Variants in EPHB2 observed in about 807,000 individuals in gnomAD.
The protein encoded by EPHB2 is ephrin type-B receptor 2.
EPHB2 carries 18 observed loss-of-function variants against 96.4 expected under a neutral mutation model. The ratio of observed to expected loss-of-function variants is 0.19; its 90% CI spans 0.13 to 0.28. The LOEUF (loss-of-function observed/expected upper bound fraction) is 0.28. Among genes scored for constraint, EPHB2 ranks in the 10% least tolerant of loss-of-function variants. The pLI, the probability that EPHB2 is intolerant of heterozygous loss-of-function variation, is 1.00. For missense variants in EPHB2, 989 were observed against 1,355.4 expected (o/e 0.73, Z 4.25); for synonymous variants, 506 against 534.1 (o/e 0.95, Z 0.72).
At chr1:22,778,346 G>T (rs1644481704) in intron 1 of EPHB2, among the ~76,000 whole-genome samples, 1 of 152,222 alleles carries the variant, frequency 6.6e-6, no homozygotes, top group Admixed American at 6.5e-5. Flanking sequence ...TGGTTACCAA[G>T]CAAGGAAGGG....
intron 2 of EPHB2, among the ~76,000 whole-genome samples, chr1:22,781,745 T>C (rs148345404): frequency 0.019 from 2,863 of 152,156 alleles, 60 homozygotes; most frequent in East Asian, 0.073. Flanking sequence ...GGCTGAGAAG[T>C]AGGTGCTCTC....
intron 5 of EPHB2, among the ~76,000 whole-genome samples, chr1:22,877,040 G>T (rs1638861852): frequency 6.6e-6 from 1 of 152,332 alleles, no homozygotes; most frequent in African/African-American, 2.4e-5. Flanking sequence ...AGGTGAGTCA[G>T]CGGGAACCAG....
At chr1:22,780,779 A>G (rs1644518013) in intron 1 of EPHB2, among the ~76,000 whole-genome samples, 1 of 152,196 alleles carries the variant, frequency 6.6e-6, no homozygotes, top group Non-Finnish European at 1.5e-5. Flanking sequence ...GAAGGGAAGG[A>G]CAGTACCTAG....
At chr1:22,888,926 G>A (rs1287195854) in intron 6 of EPHB2, among the ~76,000 whole-genome samples, 5 of 152,156 alleles carry the variant, frequency 3.3e-5, no homozygotes, top group Admixed American at 2.6e-4. Context: ...AAGCTGAGAC[G>A]GGTGGATCAT....
chr1:22,745,085 A>C (rs1011699584), intron 1 of EPHB2, among the ~76,000 whole-genome samples: 1 of 152,158 alleles, frequency 6.6e-6, no homozygotes, highest in Non-Finnish European at 1.5e-5. Flanking sequence ...AGCTGTATAT[A>C]CCTAAATGAG....
At position 22,896,415 on chromosome 1, in the gene EPHB2, C is replaced by A; in HGVS notation, c.1702C>A (p.Arg568=). The change falls in exon 9 of 16, where the codon CGG becomes AGG. Residue 568 remains arginine (R), a splice_region_variant and synonymous_variant. Transcript: ENST00000374630. ...AGCCCTTTGCTCTTGTTCCAGAAGACGGGGGTTTGAGCGTGCTGACTCGGA... is the reference window on the plus strand; with the variant it reads ...AGCCCTTTGCTCTTGTTCCAGAAGAAGGGGGTTTGAGCGTGCTGACTCGGA... The part of the protein sequence containing the change: ...VVVIAIVCNR[R]GFERADSEYT... 6.2e-7 allele frequency: 1 copy of A among 1,614,108 alleles called. No homozygotes were observed. Among genetic ancestry groups the A allele is most frequent in the South Asian group, 1.1e-5 (1 of 91,082 alleles).
At chr1:22,873,983 T>C (rs1190434999) in intron 5 of EPHB2, among the ~76,000 whole-genome samples, 3 of 152,144 alleles carry the variant, frequency 2.0e-5, no homozygotes, top group African/African-American at 7.2e-5. Context: ...GTCTGCCACA[T>C]CCCATTTTAC....
chr1:22,893,512 G>A (rs953902713), intron 7 of EPHB2, among the ~76,000 whole-genome samples: 3 of 152,190 alleles, frequency 2.0e-5, no homozygotes, highest in African/African-American at 4.8e-5. Flanking sequence ...AAGGGAATGG[G>A]AGATCGTAAC....
chr1:22,723,242 G>A (rs191121036), intron 1 of EPHB2, among the ~76,000 whole-genome samples: 99 of 152,360 alleles, frequency 6.5e-4, no homozygotes, highest in Non-Finnish European at 6.0e-4. Context: ...GGGCTTCTCC[G>A]CCTCTCACGG....
intron 5 of EPHB2, among the ~76,000 whole-genome samples, chr1:22,867,811 G>A (rs758517057): frequency 6.6e-6 from 1 of 152,190 alleles, no homozygotes; most frequent in Non-Finnish European, 1.5e-5. Flanking sequence ...GGCAGAGCTT[G>A]CAATGAGCTG....
intron 1 of EPHB2, among the ~76,000 whole-genome samples, chr1:22,776,502 G>T (rs1464495359): frequency 1.3e-5 from 2 of 152,214 alleles, no homozygotes; most frequent in Admixed American, 1.3e-4. Context: ...AGTGGGGATG[G>T]AGATAGAAAC....
intron 5 of EPHB2, among the ~76,000 whole-genome samples, chr1:22,869,367 A>G (rs1557724527): frequency 6.6e-6 from 1 of 152,082 alleles, no homozygotes; most frequent in South Asian, 2.1e-4. Context: ...TGTATGTCCT[A>G]GTTGGAAAAA....
chr1:22,914,130 A>C lies in EPHB2; in HGVS notation c.*560A>C. ...CCCTCTGGGAAAATCTATTCCTGCCACCACTGGGCAAACAGAAGAATTTTT... is the reference window on the plus strand; with the variant it reads ...CCCTCTGGGAAAATCTATTCCTGCCCCCACTGGGCAAACAGAAGAATTTTT... On this transcript the variant is annotated 3_prime_UTR_variant, in exon 16 of 16. Transcript: ENST00000374630. 1 of 450,784 alleles carries C rather than the reference A, an allele frequency of 2.2e-6. No individual in the cohort carries two copies. The highest frequency in any genetic ancestry group is 4.2e-5 in the South Asian group (1 of 23,782). The allele number at this position is 450,784 out of a possible 1,614,324, so 27.9% of individuals were successfully genotyped here.
chr1:22,862,952 T>C (rs1219614559), intron 3 of EPHB2, 85 bp from the exon 4 acceptor site: 11 of 1,566,908 alleles, frequency 7.0e-6, no homozygotes, highest in Non-Finnish European at 9.7e-6. Context: ...CGAGGCTGTG[T>C]GGCCCCTCCG....
Position 22,863,086 on chromosome 1 carries a change from C to G in EPHB2, c.861C>G (p.Thr287=). 2 of 1,614,170 alleles carry G rather than the reference C, an allele frequency of 1.2e-6. No individual in the cohort carries two copies. Among genetic ancestry groups the G allele is most frequent in the Non-Finnish European group, 1.7e-6 (2 of 1,180,042 alleles). The change falls in exon 4 of 16, where the codon ACC becomes ACG. Residue 287 remains threonine, a synonymous_variant. Coordinates refer to ENST00000374630, the MANE Select transcript of EPHB2 (RefSeq NM_017449.5). The part of the protein sequence containing the change: ...FKANQGDEAC[T]HCPINSRTTS... The stretch of plus-strand genomic sequence containing the variant: ...CCAACCAAGGGGATGAGGCCTGTAC[C>G]CACTGTCCCATCAACAGCCGGACCA...
intron 1 of EPHB2, among the ~76,000 whole-genome samples, chr1:22,760,823 G>A (rs912664026): frequency 1.3e-5 from 2 of 152,192 alleles, no homozygotes; most frequent in Non-Finnish European, 2.9e-5. Flanking sequence ...ACAGGCTTGG[G>A]AGGGTGGCTG....
Position 22,916,175 on chromosome 1 carries a change from C to G in EPHB2, c.*2605C>G, listed in dbSNP as rs1358172195. 2 of 152,286 alleles carry G rather than the reference C, an allele frequency of 1.3e-5. No homozygotes were observed. The highest frequency in any genetic ancestry group is 2.9e-5 in the Non-Finnish European group (2 of 68,064). The allele number at this position is 152,286 out of a possible 1,614,324, so 9.4% of individuals were successfully genotyped here. A position where few individuals can be genotyped will look rare whatever the true frequency, so the allele number is the denominator to read the frequency against. On this transcript the variant is annotated 3_prime_UTR_variant, in exon 16 of 16. Transcript: ENST00000374630. The surrounding 1 kb of genome is among the most constrained non-coding windows in gnomAD (Gnocchi z 4.2). ...CTGTCTCGGCACACAAGGTCACCTTCTGGTGGGAGCTGCCCTGATGCTCTT... is the reference window on the plus strand; with the variant it reads ...CTGTCTCGGCACACAAGGTCACCTTGTGGTGGGAGCTGCCCTGATGCTCTT...
intron 1 of EPHB2, among the ~76,000 whole-genome samples, chr1:22,757,341 C>T (rs988448021): frequency 6.6e-6 from 1 of 151,906 alleles, no homozygotes; most frequent in African/African-American, 2.4e-5. Context: ...TGGGTAGAGA[C>T]AGTCAGGGAG....
chr1:22,880,437 C>A (rs1473931340), intron 5 of EPHB2, among the ~76,000 whole-genome samples: 1 of 152,226 alleles, frequency 6.6e-6, no homozygotes, highest in East Asian at 1.9e-4. Context: ...TTGTCACAGA[C>A]CCGCCCAGGA....
Sources: allele counts gnomAD v4.1 joint callset (sites outside exome capture counted in the v4.1 genomes callset), GRCh38; gene constraint gnomAD v4.1.1; non-coding constraint Gnocchi (gnomAD v3.1); transcripts MANE v1.5; gene names NCBI Gene and HGNC (gene_info 2026-07-23, HGNC 2026-07-21).